Variants in OTUD4 observed in about 807,000 individuals in gnomAD.
The protein encoded by OTUD4 is OTU deubiquitinase 4.
Under a neutral mutation model 130.4 loss-of-function variants are expected in OTUD4, and 24 were observed. The observed-to-expected ratio is 0.18, with a 90% CI of 0.13 to 0.26. OTUD4 has a LOEUF of 0.26. Ranked by LOEUF, OTUD4 falls within the 10% of genes least tolerant of loss-of-function variation. The pLI is 1.00. For missense variants in OTUD4, 1,031 were observed against 1,329.4 expected (o/e 0.78, Z 3.49); for synonymous variants, 420 against 472.5 (o/e 0.89, Z 1.44).
chr4:145,167,057 G>A (rs560693653), intron 3 of OTUD4, among the ~76,000 whole-genome samples: 1 of 152,236 alleles, frequency 6.6e-6, no homozygotes, highest in Non-Finnish European at 1.5e-5. Flanking sequence ...ATCCTAAATT[G>A]ACAATAGAGA....
chr4:145,170,583 G>C (rs1042118076), intron 3 of OTUD4, among the ~76,000 whole-genome samples: 1 of 152,108 alleles, frequency 6.6e-6, no homozygotes, highest in Non-Finnish European at 1.5e-5. Context: ...AGCTTGTATT[G>C]ACCTTCTTTC....
Position 145,134,220 on chromosome 4 carries a change from T to C in OTUD4, c.*3210A>G, listed in dbSNP as rs17019903. 923 of 152,968 alleles carry C rather than the reference T, an allele frequency of 6.0e-3. 10 individuals carry two copies. Among genetic ancestry groups the C allele is most frequent in the African/African-American group, 0.022 (896 of 41,566 alleles). 9.5% of individuals were successfully genotyped at this position (152,968 alleles called of 1,614,324 possible). On this transcript the variant is annotated 3_prime_UTR_variant, in exon 21 of 21. Transcript: ENST00000447906. Reference sequence around the variant, plus strand: ...AAATAACATATTGGAAATGAGACATTATTAGGATTTTAAACAAACAATAGC... The same window carrying C: ...AAATAACATATTGGAAATGAGACATCATTAGGATTTTAAACAAACAATAGC...
In OTUD4 at chr4:145,134,033, C is replaced by T. The variant is rs1483112407; in HGVS notation, c.*3397G>A. On this transcript the variant is annotated 3_prime_UTR_variant, in exon 21 of 21. Transcript: ENST00000447906. ...AATTTTTAATCCATTCAAGTAAGTTCAACCCCAAAGTTGCCGCTTCCCAGC... is the reference window on the plus strand; with the variant it reads ...AATTTTTAATCCATTCAAGTAAGTTTAACCCCAAAGTTGCCGCTTCCCAGC... 1 of 152,584 alleles carries T rather than the reference C, an allele frequency of 6.6e-6. No individual in the cohort carries two copies. Among genetic ancestry groups the T allele is most frequent in the Non-Finnish European group, 1.5e-5 (1 of 68,024 alleles). The allele number at this position is 152,584 out of a possible 1,614,324, so 9.5% of individuals were successfully genotyped here.
Position 145,141,478 on chromosome 4 carries a change from G to C in OTUD4, c.1984C>G (p.Gln662Glu), listed in dbSNP as rs1343340477. The C allele has an allele frequency of 6.2e-7, 1 of 1,613,022 alleles. No homozygotes were observed. ...GGAAACCCAGGATAGAGTGGGTCTT[G>C]ATAAAGGCTCAATGTCTGAGGCAAA... ...MPLPQTLSLY[Q>E]DPLYPGFPCN... The change falls in exon 19 of 21, where the codon CAA (glutamine) becomes GAA (glutamate). Residue 662 changes from glutamine (Q) to glutamate (E), a missense_variant. Gln to Glu is a conservative substitution (Grantham distance 29). This residue lies in a region of OTUD4 where 900 missense variants were observed against 1,095.9 expected (regional missense o/e 0.82). Transcript: ENST00000447906.
chr4:145,157,334 T>C (rs1237938940), intron 7 of OTUD4, among the ~76,000 whole-genome samples: 6 of 152,170 alleles, frequency 3.9e-5, no homozygotes, highest in Non-Finnish European at 7.4e-5. Context: ...TGGAGATAAT[T>C]GAATCATGTG....
chr4:145,162,871 A>G (rs983931469), intron 5 of OTUD4, 150 bp from the exon 6 acceptor site: 2 of 476,300 alleles, frequency 4.2e-6, no homozygotes, highest in Non-Finnish European at 7.6e-6. Flanking sequence ...AGTGTTGTCA[A>G]GCTACAGTAC....
intron 11 of OTUD4, 114 bp downstream of exon 11, chr4:145,152,427 A>G: frequency 4.6e-6 from 3 of 647,256 alleles, no homozygotes; most frequent in South Asian, 4.0e-5. Flanking sequence ...TACTTTCTAT[A>G]CATGGGCAAT....
intron 5 of OTUD4, 46 bp downstream of exon 5, chr4:145,164,108 C>T (rs367875185): frequency 6.1e-5 from 49 of 805,422 alleles, no homozygotes; most frequent in Middle Eastern, 2.7e-4. Context: ...AGCAACTAAG[C>T]GGTTCTTTTA....
rs1210726870 is a variant in OTUD4, at chr4:145,180,423, C to A, written c.-450G>T. 6.6e-6 allele frequency among the ~76,000 whole-genome samples: 1 copy of A among 152,210 alleles called. No individual in the cohort carries two copies. Among genetic ancestry groups the A allele is most frequent in the Non-Finnish European group, 1.5e-5 (1 of 68,016 alleles). On this transcript the variant is annotated 5_prime_UTR_variant, in exon 1 of 21. Coordinates refer to ENST00000447906, the MANE Select transcript of OTUD4 (RefSeq NM_001366057.1). Reference sequence around the variant, plus strand: ...CGGGGCCTGCGCCCCCGCGCACTCCCCACGCCGGGAGCCGAGGAAACCAAA... The same window carrying A: ...CGGGGCCTGCGCCCCCGCGCACTCCACACGCCGGGAGCCGAGGAAACCAAA...
chr4:145,180,034 G>T lies in OTUD4; in HGVS notation c.-61C>A, dbSNP rs953280202. On this transcript the variant is annotated 5_prime_UTR_variant, in exon 1 of 21. Coordinates refer to ENST00000447906, the MANE Select transcript of OTUD4 (RefSeq NM_001366057.1). ...GCTAGCCCCACATGGCCAGGCCGCC[G>T]GCTGCTCGACGCCCCGGCCTGGGGC... 7.8e-5 allele frequency: 100 copies of T among 1,276,288 alleles called. No homozygotes were observed. Among genetic ancestry groups the T allele is most frequent in the Non-Finnish European group, 8.3e-5 (84 of 1,013,850 alleles). 79.1% of individuals were successfully genotyped at this position (1,276,288 alleles called of 1,614,324 possible). A position where few individuals can be genotyped will look rare whatever the true frequency, so the allele number is the denominator to read the frequency against.
chr4:145,174,555 T>A (rs1448988376), intron 2 of OTUD4, 106 bp downstream of exon 2: 5 of 662,246 alleles, frequency 7.6e-6, no homozygotes, highest in Non-Finnish European at 1.4e-5. Context: ...GTTATTTTCA[T>A]AACCCGCATT....
At chr4:145,173,592 T>C (rs1345202634) in intron 2 of OTUD4, among the ~76,000 whole-genome samples, 1 of 152,156 alleles carries the variant, frequency 6.6e-6, no homozygotes, top group East Asian at 1.9e-4. Flanking sequence ...CTCTGCACTC[T>C]CTTATCTAGC....
chr4:145,162,964 AT>A (rs1172899690), intron 5 of OTUD4, among the ~76,000 whole-genome samples: 1 of 152,248 alleles, frequency 6.6e-6, no homozygotes, highest in Non-Finnish European at 1.5e-5. Flanking sequence ...TCACAAAAAA[AT>A]AAAAATAATA....
intron 3 of OTUD4, among the ~76,000 whole-genome samples, chr4:145,170,126 C>CCCA (rs1239353847): frequency 3.9e-5 from 6 of 152,214 alleles, no homozygotes; most frequent in African/African-American, 1.4e-4. Flanking sequence ...ATGCCTAGGC[C>CCCA]CCAGGCCCAG....
chr4:145,137,578 T>G lies in OTUD4; in HGVS notation c.3197A>C (p.His1066Pro). The G allele has an allele frequency of 2.5e-6, 4 of 1,613,556 alleles. No individual in the cohort carries two copies. Among genetic ancestry groups the G allele is most frequent in the Non-Finnish European group, 3.4e-6 (4 of 1,179,916 alleles). Residue 1066 changes from histidine (H) to proline (P), a missense_variant, in exon 21 of 21, where the codon CAT becomes CCT. By Grantham distance (77) the His-to-Pro change is moderately conservative. This residue lies in a region of OTUD4 where 900 missense variants were observed against 1,095.9 expected (regional missense o/e 0.82). Transcript: ENST00000447906. ...WGYSGRGGYQ[H>P]VRSEESWKGQ... is the part of the protein sequence containing the mutation. ...TTTCCAGGACTCCTCACTTCTCACA[T>G]GTTGATATCCACCCCTACCAGAATA...
Position 145,164,226 on chromosome 4 carries a change from C to G in OTUD4, c.342G>C (p.Arg114Ser). The G allele has an allele frequency of 3.2e-6, 4 of 1,257,676 alleles. No individual in the cohort carries two copies. Among genetic ancestry groups the G allele is most frequent in the Non-Finnish European group, 4.5e-6 (4 of 886,746 alleles). 77.9% of individuals were successfully genotyped at this position (1,257,676 alleles called of 1,614,324 possible). The change falls in exon 5 of 21, where the codon AGG becomes AGC. Residue 114 changes from arginine (R) to serine (S), a missense_variant and splice_region_variant. By Grantham distance (110) the Arg-to-Ser change is moderately radical. Around this residue, in one of 3 missense-constraint regions of OTUD4, gnomAD observed 77 missense variants for 172.9 expected, o/e 0.45. Transcript: ENST00000447906. ...GTTCCCGATAAATTATAAAATCTTTCCTGAAAATAACAATTAGAAATTATT... is the reference window on the plus strand; with the variant it reads ...GTTCCCGATAAATTATAAAATCTTTGCTGAAAATAACAATTAGAAATTATT... Reference protein sequence around the residue: ...VEISALSLMYRKDFIIYREPN... With the variant: ...VEISALSLMYSKDFIIYREPN...
chr4:145,155,265 T>C, intron 10 of OTUD4, 146 bp downstream of exon 10: 1 of 654,188 alleles, frequency 1.5e-6, no homozygotes, highest in South Asian at 1.9e-5. Context: ...TAAATACTTG[T>C]AAACTATTAA....
intron 3 of OTUD4, among the ~76,000 whole-genome samples, chr4:145,165,665 C>T (rs561552251): frequency 3.3e-5 from 5 of 151,998 alleles, no homozygotes; most frequent in East Asian, 2.0e-4. Flanking sequence ...TTAGTAGAGA[C>T]GGGGTTTCTC....
chr4:145,162,851 C>T (rs572872834), intron 5 of OTUD4, 130 bp from the exon 6 acceptor site: 70 of 490,950 alleles, frequency 1.4e-4, no homozygotes, highest in African/African-American at 1.4e-3. Flanking sequence ...TAGGAGTAAC[C>T]TAAAGCTTCA....
Sources: allele counts gnomAD v4.1 joint callset (sites outside exome capture counted in the v4.1 genomes callset), GRCh38; gene constraint gnomAD v4.1.1; regional missense constraint gnomAD v4.1.1; transcripts MANE v1.5; gene names NCBI Gene and HGNC (gene_info 2026-07-23, HGNC 2026-07-21).